The following KRT33B variants were observed in gnomAD, a reference collection of about 807,000 sequenced individuals.
The protein encoded by KRT33B is keratin 33B.
Under a neutral mutation model 42.7 loss-of-function variants are expected in KRT33B, and 37 were observed. The ratio of observed to expected loss-of-function variants is 0.87; its 90% confidence interval spans 0.67 to 1.14. The LOEUF is 1.14. Ranked by LOEUF, KRT33B falls within the 50% of genes most tolerant of loss-of-function variation. KRT33B has a pLI of 0.00. For synonymous variants in KRT33B, 237 were observed against 221.2 expected (o/e 1.07, Z -0.63); for missense variants, 523 against 515.1 (o/e 1.02, Z -0.15).
intron 1 of KRT33B, 21 bp from the exon 2 acceptor site, chr17:41,368,011 G>A: frequency 6.2e-7 from 1 of 1,608,696 alleles, no homozygotes; most frequent in Non-Finnish European, 8.5e-7. Context: ...GATTAATCAT[G>A]AAATGGGTTA....
chr17:41,365,651 C>G, intron 3 of KRT33B, 98 bp from the exon 4 acceptor site: 1 of 1,457,814 alleles, frequency 6.9e-7, no homozygotes. Context: ...TGCATTGCAG[C>G]TTAGGAAACA....
rs1229113519 is a variant in KRT33B at position 41,363,809 on chromosome 17, G to A, written c.*27C>T. On this transcript the variant is annotated 3_prime_UTR_variant, in exon 7 of 7. Transcript: ENST00000251646. The stretch of plus-strand genomic sequence containing the variant: ...CCACCGATGGTAGTTCTGTCTTCAT[G>A]CTATACTTCTGCTGGCCCCAGGGTA... 1 of 1,482,658 alleles carries A rather than the reference G, an allele frequency of 6.7e-7. No homozygotes were observed. Among genetic ancestry groups the A allele is most frequent in the Non-Finnish European group, 9.4e-7 (1 of 1,069,264 alleles). The allele number at this position is 1,482,658 out of a possible 1,614,324, so 91.8% of individuals were successfully genotyped here.
chr17:41,363,969 A>C lies in KRT33B; in HGVS notation c.1098-16T>G. 4 of 1,552,894 alleles carry C rather than the reference A, an allele frequency of 2.6e-6. No homozygotes were observed. Among genetic ancestry groups the C allele is most frequent in the Non-Finnish European group, 3.5e-6 (4 of 1,128,530 alleles). ...GGAGGGCAGCCTGGGATGCAGAAGCATTAGACTGTCAGCATGAGAAGGGTG... is the reference window on the plus strand; with the variant it reads ...GGAGGGCAGCCTGGGATGCAGAAGCCTTAGACTGTCAGCATGAGAAGGGTG... On this transcript the variant is annotated splice_polypyrimidine_tract_variant and intron_variant, in intron 6 of 6. Transcript: ENST00000251646.
Position 41,363,626 on chromosome 17 carries a change from A to T in KRT33B, c.*210T>A, listed in dbSNP as rs1173793718. Reference sequence around the variant, plus strand: ...CCTCTGACCATCAGAACTCAGACTGACTACAGGAGAGGGACCTGGGGTGAG... The same window carrying T: ...CCTCTGACCATCAGAACTCAGACTGTCTACAGGAGAGGGACCTGGGGTGAG... On this transcript the variant is annotated 3_prime_UTR_variant, in exon 7 of 7. Transcript: ENST00000251646. 4 of 437,824 alleles carry T rather than the reference A, an allele frequency of 9.1e-6. No individual in the cohort carries two copies. Among genetic ancestry groups the T allele is most frequent in the Non-Finnish European group, 1.6e-5 (4 of 246,758 alleles). The allele number at this position is 437,824 out of a possible 1,614,324, so 27.1% of individuals were successfully genotyped here. A position where few individuals can be genotyped will look rare whatever the true frequency, so the allele number is the denominator to read the frequency against.
chr17:41,365,079 T>C, intron 5 of KRT33B, 80 bp from the exon 6 acceptor site: 6 of 1,608,792 alleles, frequency 3.7e-6, no homozygotes, highest in African/African-American at 1.4e-5. Context: ...ACTCACAAGC[T>C]CCAAGAGCTA....
rs565913210 is a variant in KRT33B, at chr17:41,363,802, T to G, written c.*34A>C. On this transcript the variant is annotated 3_prime_UTR_variant, in exon 7 of 7. Transcript: ENST00000251646. ...AACTGGCCCACCGATGGTAGTTCTG[T>G]CTTCATGCTATACTTCTGCTGGCCC... is the stretch of plus-strand genomic sequence containing the variant. 149 of 1,441,222 alleles carry G rather than the reference T, an allele frequency of 1.0e-4. 5 individuals carry two copies. In the South Asian group the frequency reaches 1.7e-3, roughly 16 times the overall value. 89.3% of individuals were successfully genotyped at this position (1,441,222 alleles called of 1,614,324 possible).
At chr17:41,366,442 T>C (rs2144298487) in intron 3 of KRT33B, 28 bp downstream of exon 3, 1 of 1,610,608 alleles carries the variant, frequency 6.2e-7, no homozygotes, top group Admixed American at 1.7e-5. Flanking sequence ...GCTCTCAGTA[T>C]TGGGATATTG....
intron 6 of KRT33B, among the ~76,000 whole-genome samples, 196 bp downstream of exon 6, chr17:41,364,583 T>C (rs907398483): frequency 6.6e-6 from 1 of 151,530 alleles, no homozygotes; most frequent in African/African-American, 2.5e-5. Flanking sequence ...GTCCCATGAC[T>C]ATCTTTTGTA....
At chr17:41,365,334 T>G (rs764818986) in intron 4 of KRT33B, 34 bp from the exon 5 acceptor site, 2 of 1,611,254 alleles carry the variant, frequency 1.2e-6, no homozygotes, top group Admixed American at 1.7e-5. Context: ...GATCAGACCC[T>G]GCCTCCGGGG....
chr17:41,365,344 G>A, intron 4 of KRT33B, 44 bp from the exon 5 acceptor site: 3 of 1,609,976 alleles, frequency 1.9e-6, no homozygotes, highest in Non-Finnish European at 2.5e-6. Context: ...TGCCTCCGGG[G>A]CCCTGGGGGG....
chr17:41,363,773 G>T lies in KRT33B; in HGVS notation c.*63C>A. The T allele has an allele frequency of 1.8e-6, 2 of 1,109,518 alleles. No homozygotes were observed. The highest frequency in any genetic ancestry group is 2.7e-6 in the Non-Finnish European group (2 of 743,202). 68.7% of individuals were successfully genotyped at this position (1,109,518 alleles called of 1,614,324 possible). On this transcript the variant is annotated 3_prime_UTR_variant, in exon 7 of 7. Transcript: ENST00000251646. ...CCGGTGGCTGATGGTTGTCAGAGAG[G>T]CAGAACTGGCCCACCGATGGTAGTT...
At position 41,366,539 on chromosome 17, in the gene KRT33B, C is replaced by A. The variant is rs752276164; in HGVS notation, c.519G>T (p.Arg173Ser). Residue 173 changes from arginine (R) to serine (S), a missense_variant, in exon 3 of 7, where the codon AGG becomes AGT. Arg to Ser is a moderately radical substitution (Grantham distance 110). Coordinates refer to ENST00000251646, the MANE Select transcript of KRT33B (RefSeq NM_002279.5). ...RRILDELTLC[R>S]SDLEAQMESL... ...ACTCCATCTGGGCCTCCAGGTCAGA[C>A]CTGCACAGGGTCAGCTCATCCAGAA... is the stretch of plus-strand genomic sequence containing the variant. 1.9e-6 allele frequency: 3 copies of A among 1,612,656 alleles called. No homozygotes were observed. The highest frequency in any genetic ancestry group is 1.7e-6 in the Non-Finnish European group (2 of 1,180,008).
rs751785587 is a variant in KRT33B at position 41,363,919 on chromosome 17, A to T, written c.1132T>A (p.Cys378Ser). ...PSNPCATTNA[C>S]EKPIGSCVTN... ...ACACAGGATCCAATGGGCTTTTCAC[A>T]TGCATTGGTGGTGGCGCAGGGGTTG... The change falls in exon 7 of 7, where the codon TGT becomes AGT. Residue 378 changes from cysteine (C) to serine (S), a missense_variant. Transcript: ENST00000251646. 1 of 1,611,738 alleles carries T rather than the reference A, an allele frequency of 6.2e-7. No individual in the cohort carries two copies. Among genetic ancestry groups the T allele is most frequent in the Non-Finnish European group, 8.5e-7 (1 of 1,179,512 alleles).
At position 41,364,836 on chromosome 17, in the gene KRT33B, G is replaced by A. The variant is rs765848182; in HGVS notation, c.1040C>T (p.Ala347Val). The change falls in exon 6 of 7, where the codon GCG becomes GTG. Residue 347 changes from alanine (A) to valine (V), a missense_variant. Physicochemically the swap from Ala to Val is moderately conservative, Grantham distance 64. Transcript: ENST00000251646. ...TGTGTTGATCTCACACTCCAGCCGC[G>A]CCCGCACGTCCAGCAGCACCTGATA... is the stretch of plus-strand genomic sequence containing the variant. The part of the protein sequence containing the change: ...QEYQVLLDVR[A>V]RLECEINTYR... 11 of 1,612,284 alleles carry A rather than the reference G, an allele frequency of 6.8e-6. 1 individual carries two copies. The highest frequency in any genetic ancestry group is 3.3e-5 in the Admixed American group (2 of 59,930).
chr17:41,368,561 G>A (rs1308876620), intron 1 of KRT33B, among the ~76,000 whole-genome samples: 12 of 151,272 alleles, frequency 7.9e-5, no homozygotes, highest in Non-Finnish European at 8.8e-5. Flanking sequence ...GTGAGCTCCT[G>A]AAGGAAGGAG....
At chr17:41,364,131 C>A (rs1333555715) in intron 6 of KRT33B, among the ~76,000 whole-genome samples, 178 bp from the exon 7 acceptor site, 1 of 151,190 alleles carries the variant, frequency 6.6e-6, no homozygotes, top group South Asian at 2.1e-4. Context: ...GAGCAAAGAA[C>A]ATGTAAGGTG....
rs113706171 is a variant in KRT33B at position 41,365,092 on chromosome 17, A to G, written c.876+83T>C. The G allele has an allele frequency of 1.9e-4, 305 of 1,609,486 alleles. 15 individuals carry two copies. The African/African-American group carries it at 2.9e-3, about 16-fold the overall frequency. On this transcript the variant is annotated intron_variant, in intron 5 of 6. Coordinates refer to ENST00000251646, the MANE Select transcript of KRT33B (RefSeq NM_002279.5). ...AAACTCACAAGCTCCAAGAGCTAAG[A>G]AGAGTGTGTGGCCCCAAGGGCATCC...
At chr17:41,368,310 T>C (rs1289173839) in intron 1 of KRT33B, among the ~76,000 whole-genome samples, 5 of 151,222 alleles carry the variant, frequency 3.3e-5, no homozygotes, top group African/African-American at 9.9e-5. Context: ...GATGCTAAAA[T>C]GGGAAAAATC....
Position 41,365,331 on chromosome 17 carries a change from C to A in KRT33B, c.751-31G>T, listed in dbSNP as rs546179706. ...ACACCCAAGGGGAGAAAGGATCAGACCCTGCCTCCGGGGCCCTGGGGGGCC... is the reference window on the plus strand; with the variant it reads ...ACACCCAAGGGGAGAAAGGATCAGAACCTGCCTCCGGGGCCCTGGGGGGCC... On this transcript the variant is annotated intron_variant, in intron 4 of 6. Coordinates refer to ENST00000251646, the MANE Select transcript of KRT33B (RefSeq NM_002279.5). 55 of 1,611,504 alleles carry A rather than the reference C, an allele frequency of 3.4e-5. 7 individuals are homozygous for A. The African/African-American group carries it at 7.2e-4, about 21-fold the overall frequency.
Sources: gnomAD v4.1 joint callset for allele counts (sites outside exome capture counted in the v4.1 genomes callset) on GRCh38, gnomAD v4.1.1 for gene constraint, MANE v1.5 for transcripts, NCBI Gene and HGNC (gene_info 2026-07-23, HGNC 2026-07-21) for gene names.